BPTF: variants seen among roughly 807,000 people sequenced by gnomAD.
The protein encoded by BPTF is bromodomain PHD finger transcription factor, also known as nucleosome-remodeling factor subunit BPTF.
In BPTF, 18 loss-of-function variants were observed where a neutral mutation model predicts 292.5. That is an observed-to-expected ratio of 0.06 (90% confidence interval 0.04 to 0.09). The LOEUF (loss-of-function observed/expected upper bound fraction) is 0.09, where lower values mean the gene tolerates loss of function less well. Among genes scored for constraint, BPTF ranks in the 10% least tolerant of loss-of-function variants. The pLI, the probability that BPTF is intolerant of heterozygous loss-of-function variation, is 1.00. For missense variants in BPTF, 2,726 were observed against 3,498.7 expected (o/e 0.78, Z 5.57); for synonymous variants, 1,225 against 1,251.9 (o/e 0.98, Z 0.45).
At chr17:67,899,421 C>G (rs2061670033) in intron 7 of BPTF, among the ~76,000 whole-genome samples, 1 of 152,140 alleles carries the variant, frequency 6.6e-6, no homozygotes, top group African/African-American at 2.4e-5. Flanking sequence ...TTCCTGAAAG[C>G]TGAAGCCAGA....
rs1238292616 is a variant in BPTF, at chr17:67,924,435, GA to G, written c.5709-111del. On this transcript the variant is annotated intron_variant, in intron 14 of 27. Transcript: ENST00000306378. ...CAACCAAATGTTTTATTTTTAAATT[GA>G]GATAATATCATACCTTTGTATGATG... 8.5e-5 allele frequency: 93 copies of G among 1,098,546 alleles called. 1 individual carries two copies. Among genetic ancestry groups the G allele is most frequent in the Non-Finnish European group, 1.2e-4 (88 of 762,750 alleles). 68.0% of individuals were successfully genotyped at this position (1,098,546 alleles called of 1,614,324 possible).
intron 27 of BPTF, among the ~76,000 whole-genome samples, chr17:67,980,881 T>G (rs140025994): frequency 1.8e-3 from 272 of 152,342 alleles, no homozygotes; most frequent in African/African-American, 6.3e-3. Context: ...AATTAGGCTG[T>G]GTGCAATGGT....
At chr17:67,888,376 C>T (rs932468036) in intron 4 of BPTF, among the ~76,000 whole-genome samples, 3 of 151,970 alleles carry the variant, frequency 2.0e-5, no homozygotes, top group African/African-American at 4.8e-5. Context: ...ATCACGAGGT[C>T]AGGAGTTCGA....
intron 19 of BPTF, 28 bp from the exon 20 acceptor site, chr17:67,944,122 C>G: frequency 2.0e-6 from 3 of 1,536,062 alleles, no homozygotes; most frequent in South Asian, 2.2e-5. Flanking sequence ...GCTTTGAACA[C>G]TGTTTACATG....
chr17:67,864,836 G>A (rs1252248509), intron 2 of BPTF, among the ~76,000 whole-genome samples: 4 of 151,654 alleles, frequency 2.6e-5, no homozygotes, highest in Non-Finnish European at 5.9e-5. Flanking sequence ...ACAGAGTCTC[G>A]CTCTGTCACC....
rs748993040 is a variant in BPTF, at chr17:67,854,051, A to T, written c.725A>T (p.His242Leu). 3 of 1,614,110 alleles carry T rather than the reference A, an allele frequency of 1.9e-6. No homozygotes were observed. The highest frequency in any genetic ancestry group is 3.3e-5 in the Admixed American group (2 of 60,004). ...GAGGATTTAATGGTGCCTAATGAGC[A>T]TATAATGAATGTCATTGCCATTTAC... ...SSEDLMVPNE[H>L]IMNVIAIYEV... The change falls in exon 2 of 28, where the codon CAT (histidine) becomes CTT (leucine). Residue 242 changes from histidine (H) to leucine (L), a missense_variant. This residue lies in a region of BPTF where 102 missense variants were observed against 212.6 expected (regional missense o/e 0.48). Transcript: ENST00000306378. The surrounding 1 kb of genome is among the most constrained non-coding windows in gnomAD (Gnocchi z 5.6).
intron 1 of BPTF, among the ~76,000 whole-genome samples, chr17:67,840,400 C>G (rs2057456786): frequency 6.6e-6 from 1 of 151,966 alleles, no homozygotes; most frequent in African/African-American, 2.4e-5. Context: ...AGCTGCCATG[C>G]CTGGCCAAGA....
At position 67,928,615 on chromosome 17, in the gene BPTF, A is replaced by T; in HGVS notation, c.5998+14A>T. ...AGTCAAATTCAGGTATGGAACTATCATTAAGTAAAAGATTACTTTGGTTCA... is the reference window on the plus strand; with the variant it reads ...AGTCAAATTCAGGTATGGAACTATCTTTAAGTAAAAGATTACTTTGGTTCA... On this transcript the variant is annotated intron_variant, in intron 16 of 27. Transcript: ENST00000306378. 6.3e-7 allele frequency: 1 copy of T among 1,584,156 alleles called. No homozygotes were observed. The highest frequency in any genetic ancestry group is 8.6e-7 in the Non-Finnish European group (1 of 1,162,686).
chr17:67,883,942 T>C (rs2146014819), intron 4 of BPTF, among the ~76,000 whole-genome samples: 1 of 152,304 alleles, frequency 6.6e-6, no homozygotes, highest in Middle Eastern at 3.4e-3. Flanking sequence ...TTTATAAATT[T>C]GTATTTCCTC....
Position 67,912,694 on chromosome 17 carries a change from A to G in BPTF, c.4810A>G (p.Lys1604Glu), listed in dbSNP as rs1452410228. The change falls in exon 11 of 28, where the codon AAG becomes GAG. Residue 1604 changes from lysine (K) to glutamate (E), a missense_variant. By Grantham distance (56) the Lys-to-Glu change is moderately conservative. Around this residue, in one of 22 missense-constraint regions of BPTF, gnomAD observed 144 missense variants for 177.2 expected, o/e 0.81. Transcript: ENST00000306378. ...GGCCACAGAATCAAAAACTGTGATC[A>G]AGGTAGAAAAAGGCGATAAGCAAAC... is the stretch of plus-strand genomic sequence containing the variant. ...TVATESKTVI[K>E]VEKGDKQTVV... is the part of the protein sequence containing the mutation. 1 of 1,613,964 alleles carries G rather than the reference A, an allele frequency of 6.2e-7. No homozygotes were observed. The highest frequency in any genetic ancestry group is 1.3e-5 in the African/African-American group (1 of 74,944).
At chr17:67,826,589 C>CA (rs398031411) in intron 1 of BPTF, among the ~76,000 whole-genome samples, 13 of 144,946 alleles carry the variant, frequency 9.0e-5, no homozygotes, top group Non-Finnish European at 1.7e-4. Flanking sequence ...CTCCCCCCCC[C>CA]AACCCCCTTT....
intron 18 of BPTF, among the ~76,000 whole-genome samples, chr17:67,936,327 A>G (rs1321405053): frequency 6.6e-6 from 1 of 152,230 alleles, no homozygotes; most frequent in African/African-American, 2.4e-5. Flanking sequence ...TTTAATATCT[A>G]TTATGTGAGA....
At chr17:67,852,299 T>C (rs2058454633) in intron 1 of BPTF, among the ~76,000 whole-genome samples, 1 of 152,124 alleles carries the variant, frequency 6.6e-6, no homozygotes, top group African/African-American at 2.4e-5. Flanking sequence ...TAAAATTTTA[T>C]AACGAAAATA....
At chr17:67,925,786 C>A (rs1199786956) in intron 15 of BPTF, among the ~76,000 whole-genome samples, 2 of 151,752 alleles carry the variant, frequency 1.3e-5, no homozygotes, top group Admixed American at 1.3e-4. Flanking sequence ...TTTTCAAATT[C>A]TTGTGTATCT....
chr17:67,925,458 G>A (rs147096467), intron 15 of BPTF, among the ~76,000 whole-genome samples: 3 of 152,208 alleles, frequency 2.0e-5, no homozygotes, highest in East Asian at 3.9e-4. Flanking sequence ...GAGTCCAGGG[G>A]TTTGAGACCA....
intron 27 of BPTF, among the ~76,000 whole-genome samples, chr17:67,979,593 T>C (rs2148672539): frequency 6.6e-6 from 1 of 152,236 alleles, no homozygotes; most frequent in Admixed American, 6.5e-5. Flanking sequence ...AGAATCACCC[T>C]ATAGACAAAG....
rs1336798586 is a variant in BPTF at position 67,983,690 on chromosome 17, G to A, written c.*1402G>A. On this transcript the variant is annotated 3_prime_UTR_variant, in exon 28 of 28. Coordinates refer to ENST00000306378, the MANE Select transcript of BPTF (RefSeq NM_182641.4). ...AGCTTCTATAAAATCTGCCATAGTT[G>A]GATTATGCAGCTTTGCAAAAATTTT... 6.6e-6 allele frequency: 1 copy of A among 152,482 alleles called. No homozygotes were observed. The highest frequency in any genetic ancestry group is 2.4e-5 in the African/African-American group (1 of 41,402). The allele number at this position is 152,482 out of a possible 1,614,324, so 9.4% of individuals were successfully genotyped here.
intron 13 of BPTF, among the ~76,000 whole-genome samples, chr17:67,920,554 A>G (rs1272172611): frequency 3.3e-5 from 5 of 152,212 alleles, no homozygotes; most frequent in Non-Finnish European, 7.3e-5. Context: ...CTCAAGGTAG[A>G]GATAATCCAA....
Position 67,911,105 on chromosome 17 carries a change from A to G in BPTF, c.3221A>G (p.Glu1074Gly). The part of the protein sequence containing the change: ...LERRIKQFTL[E>G]EKQRLEKIKL... ...AGGAGAATTAAACAGTTTACACTGG[A>G]AGAAAAACAGCGACTCGAAAAAATC... The change falls in exon 11 of 28, where the codon GAA becomes GGA. Residue 1074 changes from glutamate to glycine, a missense_variant. Coordinates refer to ENST00000306378, the MANE Select transcript of BPTF (RefSeq NM_182641.4). The G allele has an allele frequency of 6.2e-7, 1 of 1,614,114 alleles. No homozygotes were observed. Among genetic ancestry groups the G allele is most frequent in the Non-Finnish European group, 8.5e-7 (1 of 1,180,016 alleles).
Sources: gnomAD v4.1 joint callset for allele counts (sites outside exome capture counted in the v4.1 genomes callset) on GRCh38, gnomAD v4.1.1 for gene constraint, gnomAD v4.1.1 regional missense constraint, Gnocchi (gnomAD v3.1) non-coding constraint, MANE v1.5 for transcripts, NCBI Gene and HGNC (gene_info 2026-07-23, HGNC 2026-07-21) for gene names.